Variants in ZNF462 observed in about 807,000 individuals in gnomAD.
The protein encoded by ZNF462 is zinc finger PBX1-interacting protein.
ZNF462 carries 10 observed loss-of-function variants against 201.9 expected under a neutral mutation model. The ratio of observed to expected loss-of-function variants is 0.05; its 90% CI spans 0.03 to 0.08. The LOEUF (loss-of-function observed/expected upper bound fraction) is 0.08, where lower values mean the gene tolerates loss of function less well. Among genes scored for constraint, ZNF462 ranks in the 10% least tolerant of loss-of-function variants. The pLI is 1.00. For missense variants in ZNF462, 2,523 were observed against 3,168.3 expected (o/e 0.80, Z 4.89); for synonymous variants, 1,227 against 1,193.3 (o/e 1.03, Z -0.58).
At chr9:106,898,693 G>A (rs1388863971) in intron 1 of ZNF462, among the ~76,000 whole-genome samples, 1 of 152,156 alleles carries the variant, frequency 6.6e-6, no homozygotes, top group African/African-American at 2.4e-5. Flanking sequence ...GGTGGAGAGA[G>A]TCATAGGTGT....
chr9:106,984,357 A>G lies in ZNF462; in HGVS notation c.7004A>G (p.Tyr2335Cys). 4 of 1,614,104 alleles carry G rather than the reference A, an allele frequency of 2.5e-6. No homozygotes were observed. Among genetic ancestry groups the G allele is most frequent in the Non-Finnish European group, 3.4e-6 (4 of 1,179,980 alleles). Reference sequence around the variant, plus strand: ...CCTTACAAATGCCAGCTCTGCTACTATGAGACCAAGCACACGGAGGAACTG... The same window carrying G: ...CCTTACAAATGCCAGCTCTGCTACTGTGAGACCAAGCACACGGAGGAACTG... ...LKPYKCQLCY[Y>C]ETKHTEELDS... The change falls in exon 10 of 13, where the codon TAT (tyrosine) becomes TGT (cysteine). Residue 2335 changes from tyrosine to cysteine, a missense_variant. Tyr to Cys is a radical substitution (Grantham distance 194, BLOSUM62 -2). This residue lies in a region of ZNF462 where 228 missense variants were observed against 361.2 expected (regional missense o/e 0.63). Coordinates refer to ENST00000277225, the MANE Select transcript of ZNF462 (RefSeq NM_021224.6). The surrounding 1 kb of genome is among the most constrained non-coding windows in gnomAD (Gnocchi z 6.4).
Position 106,925,048 on chromosome 9 carries a change from C to G in ZNF462, c.1136C>G (p.Thr379Ser). The G allele has an allele frequency of 6.2e-7, 1 of 1,614,162 alleles. No individual in the cohort carries two copies. The highest frequency in any genetic ancestry group is 1.7e-5 in the Admixed American group (1 of 60,018). Residue 379 changes from threonine (T) to serine (S), a missense_variant, in exon 3 of 13, where the codon ACT becomes AGT. By Grantham distance (58) the Thr-to-Ser change is moderately conservative. This residue lies in a region of ZNF462 where 480 missense variants were observed against 544.4 expected (regional missense o/e 0.88). Coordinates refer to ENST00000277225, the MANE Select transcript of ZNF462 (RefSeq NM_021224.6). The surrounding 1 kb of genome is among the most constrained non-coding windows in gnomAD (Gnocchi z 7.9). ...DMTNSSADLE[T>S]NSMLNDSSSD... ...ACCAATTCTTCTGCTGACCTGGAAA[C>G]TAACAGCATGCTAAATGACTCTAGT...
chr9:106,976,024 TTA>T (rs1425673442), intron 9 of ZNF462: 1 of 152,232 alleles, frequency 6.6e-6, no homozygotes, highest in Non-Finnish European at 1.5e-5. Context: ...CAAACTATTT[TTA>T]AAATAATTTA....
chr9:106,975,292 T>G (rs1826915855), intron 9 of ZNF462: 1 of 152,216 alleles, frequency 6.6e-6, no homozygotes, highest in South Asian at 2.1e-4. Context: ...TTGTCACATA[T>G]GCCTCAAAAG....
intron 1 of ZNF462, among the ~76,000 whole-genome samples, chr9:106,879,702 T>A (rs906766881): frequency 6.6e-6 from 1 of 152,124 alleles, no homozygotes; most frequent in Admixed American, 6.5e-5. Flanking sequence ...GCAGAATGGT[T>A]CCAGTGATTC....
chr9:106,972,235 T>G lies in ZNF462; in HGVS notation c.6658T>G (p.Phe2220Val). Residue 2220 changes from phenylalanine to valine, a missense_variant, in exon 8 of 13, where the codon TTC becomes GTC. Phe to Val is a conservative substitution (Grantham distance 50). This residue lies in a region of ZNF462 where 228 missense variants were observed against 361.2 expected (regional missense o/e 0.63). Coordinates refer to ENST00000277225, the MANE Select transcript of ZNF462 (RefSeq NM_021224.6). This position sits in a 1 kb window ranked among gnomAD's most constrained non-coding sequence, Gnocchi z 4.8. ...GGACAAGCATGGTGGGAAGAAGCTT[T>G]TCAAGTGCAAAGACTGCTCCTTTTA... ...YRDKHGGKKL[F>V]KCKDCSFYTG... 6.2e-7 allele frequency: 1 copy of G among 1,614,210 alleles called. No homozygotes were observed. The highest frequency in any genetic ancestry group is 8.5e-7 in the Non-Finnish European group (1 of 1,180,030).
Position 106,984,255 on chromosome 9 carries a change from G to A in ZNF462, c.6902G>A (p.Arg2301His), listed in dbSNP as rs771701909. ...LSKYLQGVVF[R>H]CDKCTFTCSS... ...AAATACTTGCAGGGAGTAGTTTTCC[G>A]CTGTGATAAGTGTACCTTCACCTGC... Residue 2301 changes from arginine (R) to histidine (H), a missense_variant, in exon 10 of 13, where the codon CGC (arginine) becomes CAC (histidine). Coordinates refer to ENST00000277225, the MANE Select transcript of ZNF462 (RefSeq NM_021224.6). The surrounding 1 kb of genome is among the most constrained non-coding windows in gnomAD (Gnocchi z 6.4). 4 of 1,614,044 alleles carry A rather than the reference G, an allele frequency of 2.5e-6. No homozygotes were observed. The highest frequency in any genetic ancestry group is 2.5e-6 in the Non-Finnish European group (3 of 1,179,986).
rs943424346 is a variant in ZNF462 at position 107,008,591 on chromosome 9, A to G, written c.7190-954A>G. Among the ~76,000 whole-genome samples, 15 of 152,146 alleles carry G rather than the reference A, an allele frequency of 9.9e-5. No homozygotes were observed. The highest frequency in any genetic ancestry group is 3.3e-4 in the Admixed American group (5 of 15,266). On this transcript the variant is annotated intron_variant, in intron 11 of 12. Transcript: ENST00000277225. This position sits in a 1 kb window ranked among gnomAD's most constrained non-coding sequence, Gnocchi z 4.8. The stretch of plus-strand genomic sequence containing the variant: ...GGCAAGGTCCTGCTGTTTATTACCT[A>G]CATGAAGACTTGGCCCTCTGTGGTA...
intron 7 of ZNF462, among the ~76,000 whole-genome samples, chr9:106,949,332 A>T (rs143561750): frequency 1.6e-3 from 240 of 152,282 alleles, no homozygotes; most frequent in African/African-American, 5.4e-3. Context: ...AATTGTTTTG[A>T]ATTAGGACAG....
intron 1 of ZNF462, among the ~76,000 whole-genome samples, 198 bp downstream of exon 1, chr9:106,863,553 G>A (rs1338393134): frequency 6.6e-6 from 1 of 150,792 alleles, no homozygotes; most frequent in South Asian, 2.1e-4. Flanking sequence ...AGGGGGAGGA[G>A]GGAGAGCAGG....
In ZNF462 at chr9:106,970,974, A is replaced by G. The variant is rs1293066770; in HGVS notation, c.6428-1031A>G. On this transcript the variant is annotated intron_variant, in intron 7 of 12. Coordinates refer to ENST00000277225, the MANE Select transcript of ZNF462 (RefSeq NM_021224.6). The surrounding 1 kb of genome is among the most constrained non-coding windows in gnomAD (Gnocchi z 4.2). ...TTTCCGACATTTTCCTCAGAATCGCAAACTTTAAAATACCTTTCAGGGAAA... is the reference window on the plus strand; with the variant it reads ...TTTCCGACATTTTCCTCAGAATCGCGAACTTTAAAATACCTTTCAGGGAAA... Among the ~76,000 whole-genome samples, 1 of 152,166 alleles carries G rather than the reference A, an allele frequency of 6.6e-6. No individual in the cohort carries two copies. The highest frequency in any genetic ancestry group is 1.5e-5 in the Non-Finnish European group (1 of 68,036).
chr9:106,878,548 C>T (rs1296889765), intron 1 of ZNF462, among the ~76,000 whole-genome samples: 8 of 152,164 alleles, frequency 5.3e-5, no homozygotes, highest in African/African-American at 9.7e-5. Context: ...GTACTAAGCA[C>T]GGCTACAGTA....
intron 1 of ZNF462, among the ~76,000 whole-genome samples, chr9:106,908,943 T>TATA (rs1564090931): frequency 1.7e-4 from 3 of 17,690 alleles, no homozygotes; most frequent in Non-Finnish European, 2.1e-4. Context: ...ATATATATAT[T>TATA]TTTTTTTTTT....
chr9:106,908,268 C>T (rs1829358119), intron 1 of ZNF462, among the ~76,000 whole-genome samples: 1 of 152,018 alleles, frequency 6.6e-6, no homozygotes, highest in Non-Finnish European at 1.5e-5. Flanking sequence ...TGGTCTTTCT[C>T]CAATTAATCT....
intron 11 of ZNF462, among the ~76,000 whole-genome samples, chr9:107,004,139 C>T (rs527670165): frequency 1.2e-4 from 18 of 152,154 alleles, no homozygotes; most frequent in East Asian, 1.9e-4. Flanking sequence ...TATTGTTCAA[C>T]GTAGAATATT....
At chr9:106,892,694 ACACACACACG>A (rs374219487) in intron 1 of ZNF462, among the ~76,000 whole-genome samples, 9,445 of 146,444 alleles carry the variant, frequency 0.064, 515 homozygotes, top group African/African-American at 0.16. Flanking sequence ...ACACACATGC[ACACACACACG>A]CACACACACA....
chr9:107,011,038 G>C lies in ZNF462; in HGVS notation c.*8G>C. 6.2e-7 allele frequency: 1 copy of C among 1,612,088 alleles called. No individual in the cohort carries two copies. Among genetic ancestry groups the C allele is most frequent in the Non-Finnish European group, 8.5e-7 (1 of 1,179,604 alleles). ...GAGGCCAAAAAAGAATGAGCGTTTG[G>C]TGAAATTCTTAATCAAACCTTACTT... On this transcript the variant is annotated 3_prime_UTR_variant, in exon 13 of 13. Transcript: ENST00000277225. This position sits in a 1 kb window ranked among gnomAD's most constrained non-coding sequence, Gnocchi z 5.6.
intron 9 of ZNF462, chr9:106,975,127 A>G (rs1826901883): frequency 6.6e-6 from 1 of 152,214 alleles, no homozygotes; most frequent in African/African-American, 2.4e-5. Flanking sequence ...CTACAGGTGG[A>G]TAGAAAAAGA....
At chr9:107,001,504 T>A (rs939838028) in intron 10 of ZNF462, among the ~76,000 whole-genome samples, 2 of 152,156 alleles carry the variant, frequency 1.3e-5, no homozygotes, top group Non-Finnish European at 2.9e-5. Flanking sequence ...ATCTAGTGGT[T>A]AATGGCAAAT....
Sources: gnomAD v4.1 joint callset for allele counts (sites outside exome capture counted in the v4.1 genomes callset) on GRCh38, gnomAD v4.1.1 for gene constraint, gnomAD v4.1.1 regional missense constraint, Gnocchi (gnomAD v3.1) non-coding constraint, MANE v1.5 for transcripts, NCBI Gene and HGNC (gene_info 2026-07-23, HGNC 2026-07-21) for gene names.